Variants in PCDH11X observed in about 807,000 individuals in gnomAD.
The protein encoded by PCDH11X is protocadherin 11 X-linked, also known as protocadherin-11 X-linked.
In PCDH11X, 18 loss-of-function variants were observed where a neutral mutation model predicts 53.3. The ratio of observed to expected loss-of-function variants is 0.34; its 90% CI spans 0.23 to 0.50. The LOEUF (loss-of-function observed/expected upper bound fraction) is 0.50, where lower values mean the gene tolerates loss of function less well. Ranked by LOEUF, PCDH11X falls within the 20% of genes least tolerant of loss-of-function variation. PCDH11X has a pLI of 0.98. For synonymous variants in PCDH11X, 279 were observed against 393.3 expected, an observed-to-expected ratio of 0.71 and a Z score of 3.44; for missense variants, 570 against 1,032.4, an observed-to-expected ratio of 0.55 and a Z score of 6.14.
intron 8 of PCDH11X, among the ~76,000 whole-genome samples, chrX:92,288,749 A>G (rs1023774247): frequency 1.9e-4 from 21 of 110,467 alleles, no homozygotes; most frequent in African/African-American, 6.9e-4. Flanking sequence ...TATAGATTTT[A>G]ATCTTGATGT....
intron 10 of PCDH11X, among the ~76,000 whole-genome samples, chrX:92,491,989 G>T (rs1410465245): frequency 2.7e-5 from 3 of 110,851 alleles, no homozygotes; most frequent in Admixed American, 1.9e-4. Context: ...GGTTTATGTT[G>T]GCAATAGCTG....
intron 6 of PCDH11X, among the ~76,000 whole-genome samples, chrX:92,120,155 C>CTTTTT (rs764997941): frequency 1.2e-3 from 72 of 60,668 alleles, no homozygotes; most frequent in Non-Finnish European, 1.5e-3. Context: ...ACTTTTCTTT[C>CTTTTT]TTTTTTTTTT....
chrX:91,903,656 CGTGTGTGTGTGT>C (rs61017416), intron 6 of PCDH11X, among the ~76,000 whole-genome samples: 27 of 93,952 alleles, frequency 2.9e-4, no homozygotes, highest in East Asian at 6.8e-4. Context: ...CCTCTATGTG[CGTGTGTGTGTGT>C]GTGTGTGTGT....
chrX:92,474,105 A>G (rs1265359919), intron 10 of PCDH11X, among the ~76,000 whole-genome samples: 1 of 111,226 alleles, frequency 9.0e-6, no homozygotes. Context: ...GTGGCTCAAT[A>G]ATATTTGCTA....
At chrX:92,332,750 G>A (rs867633598) in intron 8 of PCDH11X, among the ~76,000 whole-genome samples, 1 of 111,714 alleles carries the variant, frequency 9.0e-6, no homozygotes, top group East Asian at 2.8e-4. Flanking sequence ...AGCAATAGCA[G>A]CAGCAGCAGC....
intron 6 of PCDH11X, among the ~76,000 whole-genome samples, chrX:92,167,108 T>C (rs1448366904): frequency 9.1e-6 from 1 of 109,994 alleles, no homozygotes; most frequent in East Asian, 2.9e-4. Flanking sequence ...TTATATTCTA[T>C]AATTTTACTT....
intron 8 of PCDH11X, among the ~76,000 whole-genome samples, chrX:92,327,118 G>A (rs1323326463): frequency 9.2e-6 from 1 of 109,077 alleles, no homozygotes; most frequent in Non-Finnish European, 1.9e-5. Context: ...GTCTAACATA[G>A]TAGGGTCAAA....
chrX:92,445,726 G>T (rs1399262081), intron 9 of PCDH11X, among the ~76,000 whole-genome samples: 1 of 109,023 alleles, frequency 9.2e-6, no homozygotes, highest in African/African-American at 3.3e-5. Flanking sequence ...ATATAGGAGA[G>T]AATGTTGAAT....
At chrX:91,982,955 A>G (rs1435814676) in intron 6 of PCDH11X, 2 of 1,136,203 alleles carry the variant, frequency 1.8e-6, no homozygotes, top group African/African-American at 3.6e-5. Flanking sequence ...CGTCATTCAC[A>G]TTAGTGTGAA....
In PCDH11X at chrX:92,019,089, G is replaced by C. The variant is rs1387009249; in HGVS notation, c.3033+139816G>C. ...GATCTTCAGTGGTAAGACACTGAGA[G>C]TGGATGGAGGAAAGTCACAGAAGCT... On this transcript the variant is annotated intron_variant, in intron 6 of 10. Coordinates refer to ENST00000682573, the MANE Select transcript of PCDH11X (RefSeq NM_032968.5). 2.7e-5 allele frequency among the ~76,000 whole-genome samples: 3 copies of C among 111,235 alleles called. No homozygotes were observed. The East Asian group carries it at 8.6e-4, about 32-fold the overall frequency.
intron 10 of PCDH11X, among the ~76,000 whole-genome samples, chrX:92,590,191 CT>C (rs1924882892): frequency 1.8e-5 from 2 of 110,074 alleles, no homozygotes; most frequent in South Asian, 8.0e-4. Flanking sequence ...CCCAAACTGC[CT>C]TTGAAAAACA....
In PCDH11X at chrX:92,277,680, A is replaced by T. The variant is rs78895107; in HGVS notation, c.3144+14537A>T. Among the ~76,000 whole-genome samples the T allele has an allele frequency of 5.2e-3, 571 of 109,056 alleles. 8 individuals are homozygous for T. Among genetic ancestry groups the T allele is most frequent in the African/African-American group, 0.019 (553 of 29,850 alleles). 94.7% of individuals were successfully genotyped at this position (109,056 alleles called of 115,157 possible). A position where few individuals can be genotyped will look rare whatever the true frequency, so the allele number is the denominator to read the frequency against. On this transcript the variant is annotated intron_variant, in intron 8 of 10. Transcript: ENST00000682573. ...AGAAATAAGGGGTCAGGGCATGGAA[A>T]TAAGGGGTCAGGGCACGGAAATAAG...
intron 8 of PCDH11X, among the ~76,000 whole-genome samples, chrX:92,271,873 TA>T (rs2067968042): frequency 8.9e-6 from 1 of 112,270 alleles, no homozygotes; most frequent in African/African-American, 3.2e-5. Context: ...TTTATTATCC[TA>T]AAGACAATTT....
chrX:92,618,251 C>T lies in PCDH11X; in HGVS notation c.3368-13C>T. The T allele has an allele frequency of 8.4e-7, 1 of 1,185,637 alleles. No homozygotes were observed. Among genetic ancestry groups the T allele is most frequent in the Non-Finnish European group, 1.1e-6 (1 of 882,679 alleles). ...AAATATAAATTTTATTATTTTTTTC[C>T]TCACCCCAACAGCTGCAGAAATAAC... On this transcript the variant is annotated splice_polypyrimidine_tract_variant and intron_variant, in intron 10 of 10. Transcript: ENST00000682573.
chrX:92,122,579 G>A (rs1432433639), intron 6 of PCDH11X, among the ~76,000 whole-genome samples: 1 of 111,796 alleles, frequency 8.9e-6, no homozygotes, highest in Non-Finnish European at 1.9e-5. Flanking sequence ...ATTAAATAGT[G>A]GTATAGTAAG....
intron 10 of PCDH11X, among the ~76,000 whole-genome samples, chrX:92,507,858 G>T (rs184251010): frequency 0.046 from 5,091 of 110,460 alleles, 90 homozygotes; most frequent in South Asian, 0.12. Context: ...TGTCATCCAG[G>T]CTGGAGTGCA....
intron 5 of PCDH11X, among the ~76,000 whole-genome samples, chrX:91,864,181 G>A (rs956422366): frequency 1.8e-4 from 20 of 111,179 alleles, no homozygotes; most frequent in African/African-American, 5.6e-4. Context: ...GGCAGATCTC[G>A]TGTTGATGAA....
chrX:92,345,282 A>G (rs1447323857), intron 8 of PCDH11X, among the ~76,000 whole-genome samples: 2 of 110,899 alleles, frequency 1.8e-5, no homozygotes, highest in Admixed American at 1.9e-4. Flanking sequence ...CTTCTCAGAA[A>G]CATGAAATAA....
chrX:91,909,832 G>C (rs1482958373), intron 6 of PCDH11X, among the ~76,000 whole-genome samples: 1 of 111,453 alleles, frequency 9.0e-6, no homozygotes, highest in East Asian at 2.8e-4. Flanking sequence ...GTTGTACAAC[G>C]TGATATTTTG....
Sources: gnomAD v4.1 joint callset for allele counts (sites outside exome capture counted in the v4.1 genomes callset) on GRCh38, gnomAD v4.1.1 for gene constraint, MANE v1.5 for transcripts, NCBI Gene and HGNC (gene_info 2026-07-23, HGNC 2026-07-21) for gene names.